DAB1: variants seen among roughly 807,000 people sequenced by gnomAD.
DAB1 encodes disabled homolog 1.
Under a neutral mutation model 64.6 loss-of-function variants are expected in DAB1, and 15 were observed. The observed-to-expected ratio is 0.23, with a 90% CI of 0.16 to 0.36. The LOEUF (loss-of-function observed/expected upper bound fraction) is 0.36, where lower values mean the gene tolerates loss of function less well. DAB1 is among the 10% of genes least tolerant of loss of function. The probability of loss-of-function intolerance (pLI) is 1.00; values close to 1 mark genes in which losing one functional copy is unlikely to be tolerated. For missense variants in DAB1, 596 were observed against 706.7 expected (o/e 0.84, Z 1.78); for synonymous variants, 235 against 251.9 (o/e 0.93, Z 0.64).
intron 3 of DAB1, among the ~76,000 whole-genome samples, chr1:58,418,863 C>T (rs1022559067): frequency 1.3e-5 from 2 of 152,128 alleles, no homozygotes; most frequent in African/African-American, 4.8e-5. Flanking sequence ...GCCTGTTCCA[C>T]CATCTATCAA....
intron 5 of DAB1, among the ~76,000 whole-genome samples, chr1:57,889,594 G>A (rs1203876959): frequency 6.6e-6 from 1 of 152,200 alleles, no homozygotes; most frequent in African/African-American, 2.4e-5. Flanking sequence ...AAGTCTTGGT[G>A]ACTATCAAAG....
intron 7 of DAB1, among the ~76,000 whole-genome samples, chr1:57,539,754 A>T (rs181975800): frequency 1.3e-5 from 2 of 152,364 alleles, no homozygotes; most frequent in East Asian, 1.9e-4. Context: ...AAGGCCAAAG[A>T]TCATCTCCAA....
rs188148748 is a variant in DAB1 at position 58,249,309 on chromosome 1, C to T, written n.309+94043G>A. On this transcript the variant is annotated intron_variant and non_coding_transcript_variant, in intron 4 of 20. Transcript: ENST00000485760. ...TCAGCCCTATCTTTTCGGAACAGCT[C>T]CCCCCGCCCCGCCCCACACCCCACC... 2.4e-3 allele frequency among the ~76,000 whole-genome samples: 362 copies of T among 151,844 alleles called. 2 individuals carry two copies. The highest frequency in any genetic ancestry group is 8.3e-3 in the African/African-American group (342 of 41,402).
chr1:57,026,533 C>G (rs1216821515), intron 9 of DAB1, among the ~76,000 whole-genome samples: 1 of 152,124 alleles, frequency 6.6e-6, no homozygotes, highest in African/African-American at 2.4e-5. Flanking sequence ...CTCATTTTTA[C>G]AAATAAATAA....
intron 7 of DAB1, among the ~76,000 whole-genome samples, chr1:57,577,251 C>T (rs1645261184): frequency 6.6e-6 from 1 of 152,126 alleles, no homozygotes; most frequent in Admixed American, 6.5e-5. Flanking sequence ...CTAGGCTTTT[C>T]ATTTCCTCCT....
chr1:57,621,919 G>A (rs1278574106), intron 7 of DAB1, among the ~76,000 whole-genome samples: 2 of 152,172 alleles, frequency 1.3e-5, no homozygotes, highest in African/African-American at 4.8e-5. Context: ...TTTGTATACA[G>A]AGACACAGAC....
chr1:57,854,944 C>T (rs958509603), intron 1 of DAB1, among the ~76,000 whole-genome samples: 17 of 152,158 alleles, frequency 1.1e-4, no homozygotes, highest in African/African-American at 4.1e-4. Context: ...CTTATCAACT[C>T]ATTGTAAAAT....
At position 57,010,698 on chromosome 1, in the gene DAB1, G is replaced by T; in HGVS notation, c.1665C>A (p.Ser555Arg). Residue 555 changes from serine (S) to arginine (R), a missense_variant, in exon 14 of 15, where the codon AGC (serine) becomes AGA (arginine). Coordinates refer to ENST00000371236, the MANE Select transcript of DAB1 (RefSeq NM_001365792.1). ...TACCTACCCAGACCTGCGCTATCTA[G>T]CTACCGGCCTGTGGACTTATATTAT... ...SGDNISPQAG[S>R] 1 of 1,565,410 alleles carries T rather than the reference G, an allele frequency of 6.4e-7. No homozygotes were observed. Among genetic ancestry groups the T allele is most frequent in the Non-Finnish European group, 8.7e-7 (1 of 1,151,802 alleles).
At chr1:57,647,791 A>G (rs1321214692) in intron 7 of DAB1, among the ~76,000 whole-genome samples, 2 of 152,228 alleles carry the variant, frequency 1.3e-5, no homozygotes, top group African/African-American at 4.8e-5. Context: ...AAATCATCCA[A>G]CAGAGGCTGA....
At chr1:57,563,817 G>T (rs11811865) in intron 7 of DAB1, among the ~76,000 whole-genome samples, 1 of 152,198 alleles carries the variant, frequency 6.6e-6, no homozygotes, top group African/African-American at 2.4e-5. Context: ...GGAGCCCACC[G>T]CAGCTCAAGA....
At chr1:58,037,512 G>A (rs985213607) in intron 5 of DAB1, among the ~76,000 whole-genome samples, 2 of 152,148 alleles carry the variant, frequency 1.3e-5, no homozygotes, top group Admixed American at 1.3e-4. Flanking sequence ...TACAGGAGTG[G>A]GAACTCCATT....
chr1:57,557,166 G>A (rs571429846), intron 7 of DAB1, among the ~76,000 whole-genome samples: 48 of 152,244 alleles, frequency 3.2e-4, no homozygotes, highest in African/African-American at 1.1e-3. Context: ...CTTAATCTGG[G>A]TGGGCACAAT....
At chr1:57,348,079 G>A (rs1570338763) in intron 1 of DAB1, among the ~76,000 whole-genome samples, 1 of 152,134 alleles carries the variant, frequency 6.6e-6, no homozygotes, top group Non-Finnish European at 1.5e-5. Flanking sequence ...AAGGGTATTT[G>A]AGCAGCACAG....
At chr1:57,223,420 C>T (rs1347352958) in intron 2 of DAB1, among the ~76,000 whole-genome samples, 1 of 152,144 alleles carries the variant, frequency 6.6e-6, no homozygotes, top group East Asian at 1.9e-4. Flanking sequence ...AAACTTACCT[C>T]GCTGGCTTAG....
At chr1:58,209,528 G>GA (rs1230218376) in intron 4 of DAB1, among the ~76,000 whole-genome samples, 62 of 150,812 alleles carry the variant, frequency 4.1e-4, no homozygotes, top group African/African-American at 7.5e-4. Flanking sequence ...CGAAAAGCAT[G>GA]AAAAAAAAAG....
intron 5 of DAB1, among the ~76,000 whole-genome samples, chr1:58,070,996 G>A (rs1389245152): frequency 6.6e-6 from 1 of 152,192 alleles, no homozygotes; most frequent in Non-Finnish European, 1.5e-5. Flanking sequence ...CCATAGAGAA[G>A]CTGCCAGAAG....
At chr1:58,099,226 TCAGA>T (rs1651169101) in intron 5 of DAB1, among the ~76,000 whole-genome samples, 1 of 152,166 alleles carries the variant, frequency 6.6e-6, no homozygotes, top group Admixed American at 6.5e-5. Flanking sequence ...ACCCCAGTTC[TCAGA>T]CAGAACTTTC....
intron 6 of DAB1, among the ~76,000 whole-genome samples, chr1:57,668,255 T>G (rs1646471893): frequency 6.6e-6 from 1 of 152,086 alleles, no homozygotes; most frequent in South Asian, 2.1e-4. Flanking sequence ...AATGTGATAC[T>G]AAAAAATTTA....
intron 7 of DAB1, among the ~76,000 whole-genome samples, chr1:57,614,293 C>G (rs1196124963): frequency 6.6e-6 from 1 of 152,216 alleles, no homozygotes; most frequent in Non-Finnish European, 1.5e-5. Flanking sequence ...AATTACTGAT[C>G]AGATCAAACA....
Sources: gnomAD v4.1 joint callset for allele counts (sites outside exome capture counted in the v4.1 genomes callset) on GRCh38, gnomAD v4.1.1 for gene constraint, MANE v1.5 for transcripts, NCBI Gene and HGNC (gene_info 2026-07-23, HGNC 2026-07-21) for gene names.